Variants in MRPL47 observed in about 807,000 individuals in gnomAD.
MRPL47 encodes the protein large ribosomal subunit protein uL29m.
A neutral mutation model predicts 34.0 loss-of-function variants in MRPL47; 31 were observed. The observed-to-expected ratio is 0.91, with a 90% CI of 0.68 to 1.23. The LOEUF is 1.23. Ranked by LOEUF, MRPL47 falls within the 50% of genes most tolerant of loss-of-function variation. The probability of loss-of-function intolerance (pLI) is 0.00; values close to 1 mark genes in which losing one functional copy is unlikely to be tolerated. For missense variants in MRPL47, 328 were observed against 285.8 expected, an observed-to-expected ratio of 1.15 and a Z score of -1.07; for synonymous variants, 106 against 101.6, an observed-to-expected ratio of 1.04 and a Z score of -0.26.
chr3:179,591,758 A>T (rs754267789), intron 6 of MRPL47, among the ~76,000 whole-genome samples: 1 of 152,336 alleles, frequency 6.6e-6, no homozygotes, highest in African/African-American at 2.4e-5. Context: ...TTCCATTTAC[A>T]TATAGATACA....
chr3:179,588,867 A>G lies in MRPL47; in HGVS notation c.*5T>C. On this transcript the variant is annotated 3_prime_UTR_variant, in exon 7 of 7. Transcript: ENST00000476781. ...CAAAATGGTAAATTTAATAGTTCAG[A>G]CATCTTAGACAAGACTTGACTTTTG... 1 of 1,612,210 alleles carries G rather than the reference A, an allele frequency of 6.2e-7. No individual in the cohort carries two copies.
rs1053085364 is a variant in MRPL47, at chr3:179,603,168, T to C, written c.99-371A>G. On this transcript the variant is annotated intron_variant, in intron 1 of 6. Coordinates refer to ENST00000476781, the MANE Select transcript of MRPL47 (RefSeq NM_020409.3). ...CAGAGGTAACATAGTTACACAATTATATTTTAAGGTAACATTTTTGGGTCC... is the reference window on the plus strand; with the variant it reads ...CAGAGGTAACATAGTTACACAATTACATTTTAAGGTAACATTTTTGGGTCC... 5.3e-5 allele frequency among the ~76,000 whole-genome samples: 8 copies of C among 152,364 alleles called. No individual in the cohort carries two copies. The South Asian group carries it at 1.7e-3, about 32-fold the overall frequency.
At chr3:179,590,943 A>T (rs1023678413) in intron 6 of MRPL47, among the ~76,000 whole-genome samples, 5 of 152,240 alleles carry the variant, frequency 3.3e-5, no homozygotes, top group Non-Finnish European at 5.9e-5. Context: ...GACTGGATGT[A>T]CTACAGATAA....
intron 5 of MRPL47, among the ~76,000 whole-genome samples, chr3:179,593,328 A>G (rs764753194): frequency 1.3e-5 from 2 of 152,250 alleles, no homozygotes; most frequent in Non-Finnish European, 2.9e-5. Flanking sequence ...ACATTCCCTG[A>G]GACTTTAAAA....
At chr3:179,595,293 T>C (rs1262556010) in intron 4 of MRPL47, among the ~76,000 whole-genome samples, 1 of 151,802 alleles carries the variant, frequency 6.6e-6, no homozygotes, top group East Asian at 2.0e-4. Flanking sequence ...AAGTGATCTA[T>C]TTGCCTTGGC....
chr3:179,603,979 G>GAAAAAAAAAAA (rs999753831), intron 1 of MRPL47, among the ~76,000 whole-genome samples: 1 of 88,720 alleles, frequency 1.1e-5, no homozygotes, highest in Admixed American at 1.1e-4. Flanking sequence ...ACAACATTAA[G>GAAAAAAAAAAA]AAAAAAAAAA....
chr3:179,589,202 C>G (rs574624221), intron 6 of MRPL47, among the ~76,000 whole-genome samples: 1 of 152,294 alleles, frequency 6.6e-6, no homozygotes, highest in East Asian at 1.9e-4. Context: ...CCAACTATCC[C>G]TATTTCCTGA....
intron 4 of MRPL47, among the ~76,000 whole-genome samples, chr3:179,598,286 C>T (rs1718833605): frequency 6.6e-6 from 1 of 151,782 alleles, no homozygotes; most frequent in Non-Finnish European, 1.5e-5. Flanking sequence ...ACTTGGGAGG[C>T]TGAGGCAGGA....
intron 3 of MRPL47, among the ~76,000 whole-genome samples, chr3:179,600,478 T>C (rs1190444185): frequency 6.6e-6 from 1 of 151,882 alleles, no homozygotes; most frequent in Non-Finnish European, 1.5e-5. Context: ...CCATCTCTAC[T>C]AAAAATACAA....
chr3:179,599,745 A>G (rs1560019904), intron 3 of MRPL47, among the ~76,000 whole-genome samples: 1 of 152,208 alleles, frequency 6.6e-6, no homozygotes, highest in Non-Finnish European at 1.5e-5. Flanking sequence ...AATTTATGAT[A>G]GAAGGGAGAG....
intron 3 of MRPL47, among the ~76,000 whole-genome samples, chr3:179,600,496 G>T (rs1457482568): frequency 2.6e-5 from 4 of 152,060 alleles, no homozygotes; most frequent in African/African-American, 4.8e-5. Flanking sequence ...CAAAAATTTA[G>T]CTGGGCATGG....
intron 6 of MRPL47, 56 bp downstream of exon 6, chr3:179,592,588 A>G: frequency 9.4e-7 from 1 of 1,062,492 alleles, no homozygotes; most frequent in Non-Finnish European, 1.5e-6. Flanking sequence ...ATGATATATG[A>G]CCATATGTCA....
At chr3:179,601,651 T>A (rs755405126) in intron 3 of MRPL47, 79 bp downstream of exon 3, 45 of 848,786 alleles carry the variant, frequency 5.3e-5, no homozygotes, top group Non-Finnish European at 8.3e-5. Flanking sequence ...ATTTCTTATA[T>A]CAGATAGATT....
At chr3:179,603,979 GAA>G in intron 1 of MRPL47, among the ~76,000 whole-genome samples, 1 of 88,708 alleles carries the variant, frequency 1.1e-5, no homozygotes, top group African/African-American at 4.5e-5. Flanking sequence ...ACAACATTAA[GAA>G]AAAAAAAAAA....
At position 179,593,796 on chromosome 3, in the gene MRPL47, A is replaced by C; in HGVS notation, c.502T>G (p.Trp168Gly). Residue 168 changes from tryptophan (W) to glycine (G), a missense_variant, in exon 5 of 7, where the codon TGG becomes GGG. Trp to Gly is a radical substitution (Grantham distance 184). Coordinates refer to ENST00000476781, the MANE Select transcript of MRPL47 (RefSeq NM_020409.3). ...ATTCTTCCAAAGATGTCTCTTCTCCAAGCACCAGGTCTAGCTCTTTCTTGA... is the reference window on the plus strand; with the variant it reads ...ATTCTTCCAAAGATGTCTCTTCTCCCAGCACCAGGTCTAGCTCTTTCTTGA... ...TGQERARPGA[W>G]RRDIFGRIIW... is the part of the protein sequence containing the mutation. 6.2e-7 allele frequency: 1 copy of C among 1,613,766 alleles called. No homozygotes were observed. Among genetic ancestry groups the C allele is most frequent in the Non-Finnish European group, 8.5e-7 (1 of 1,179,840 alleles).
intron 1 of MRPL47, among the ~76,000 whole-genome samples, chr3:179,603,103 T>C (rs1718968291): frequency 6.6e-6 from 1 of 152,072 alleles, no homozygotes; most frequent in African/African-American, 2.4e-5. Flanking sequence ...TTAGAAAGTA[T>C]TGTTAATACT....
At chr3:179,600,484 T>C (rs1304651624) in intron 3 of MRPL47, among the ~76,000 whole-genome samples, 2 of 151,780 alleles carry the variant, frequency 1.3e-5, no homozygotes, top group Non-Finnish European at 2.9e-5. Flanking sequence ...CTACTAAAAA[T>C]ACAAAAATTT....
At chr3:179,594,726 T>G (rs746349258) in intron 4 of MRPL47, among the ~76,000 whole-genome samples, 12 of 152,124 alleles carry the variant, frequency 7.9e-5, no homozygotes, top group Non-Finnish European at 1.8e-4. Flanking sequence ...CCAGGTGATC[T>G]GCCCACCTTG....
chr3:179,595,181 G>A (rs1446914505), intron 4 of MRPL47, among the ~76,000 whole-genome samples: 1 of 152,224 alleles, frequency 6.6e-6, no homozygotes, highest in Admixed American at 6.5e-5. Context: ...AAGTAGCTGG[G>A]ACTACAGGCA....
Sources: gnomAD v4.1 joint callset for allele counts (sites outside exome capture counted in the v4.1 genomes callset) on GRCh38, gnomAD v4.1.1 for gene constraint, MANE v1.5 for transcripts, NCBI Gene and HGNC (gene_info 2026-07-23, HGNC 2026-07-21) for gene names.